Variants in BNC1 observed in about 807,000 individuals in gnomAD.
BNC1 encodes the protein basonuclin zinc finger protein 1, also known as zinc finger protein basonuclin-1.
BNC1 carries 8 observed loss-of-function variants against 66.5 expected under a neutral mutation model. The ratio of observed to expected loss-of-function variants is 0.12; its 90% CI spans 0.07 to 0.22. BNC1 has a LOEUF of 0.22. BNC1 is among the 10% of genes least tolerant of loss of function. BNC1 has a pLI of 1.00. For missense variants in BNC1, 1,069 were observed against 1,241.3 expected (o/e 0.86, Z 2.09); for synonymous variants, 454 against 452.6 (o/e 1.00, Z -0.04).
chr15:83,264,103 A>C lies in BNC1; in HGVS notation c.1148T>G (p.Ile383Ser). 2 of 1,614,142 alleles carry C rather than the reference A, an allele frequency of 1.2e-6. No homozygotes were observed. The highest frequency in any genetic ancestry group is 1.7e-6 in the Non-Finnish European group (2 of 1,180,026). ...CCCTTCGATGGTGCACTTATGCTTG[A>C]TCTTCAAGTGGACGGCATTGTAGTG... The part of the protein sequence containing the change: ...KIHYNAVHLK[I>S]KHKCTIEGCN... Residue 383 changes from isoleucine to serine, a missense_variant, in exon 4 of 5, where the codon ATC (isoleucine) becomes AGC (serine). By Grantham distance (142) the Ile-to-Ser change is moderately radical. Transcript: ENST00000345382.
At position 83,269,532 on chromosome 15, in the gene BNC1, A is replaced by G. The variant is rs139663867; in HGVS notation, c.100-1300T>C. 6.6e-5 allele frequency among the ~76,000 whole-genome samples: 10 copies of G among 152,262 alleles called. No individual in the cohort carries two copies. The East Asian group carries it at 1.9e-3, about 29-fold the overall frequency. Reference sequence around the variant, plus strand: ...CAATTGAGGGACTATGTGGCCCTGCATGGGGGAGAGGGAAAGGAGAATCTA... The same window carrying G: ...CAATTGAGGGACTATGTGGCCCTGCGTGGGGGAGAGGGAAAGGAGAATCTA... On this transcript the variant is annotated intron_variant, in intron 1 of 4. Transcript: ENST00000345382.
Position 83,258,002 on chromosome 15 carries a change from C to G in BNC1, c.2425G>C (p.Ala809Pro). 1 of 1,614,124 alleles carries G rather than the reference C, an allele frequency of 6.2e-7. No homozygotes were observed. Reference sequence around the variant, plus strand: ...GTCTGGGAGGCTTGCTGTGTAAAAGCCACATCCTGATAGGCTTCCTTAGCC... The same window carrying G: ...GTCTGGGAGGCTTGCTGTGTAAAAGGCACATCCTGATAGGCTTCCTTAGCC... The part of the protein sequence containing the change: ...DVAKEAYQDV[A>P]FTQQASQTSV... Residue 809 changes from alanine (A) to proline (P), a missense_variant, in exon 5 of 5, where the codon GCT becomes CCT. This residue lies in a region of BNC1 where 657 missense variants were observed against 715.8 expected (regional missense o/e 0.92). Transcript: ENST00000345382.
chr15:83,279,215 T>G (rs911568230), intron 1 of BNC1, among the ~76,000 whole-genome samples: 4 of 152,188 alleles, frequency 2.6e-5, no homozygotes, highest in Admixed American at 6.5e-5. Context: ...GCCTAGGATT[T>G]GCTTTAAAGT....
intron 1 of BNC1, among the ~76,000 whole-genome samples, chr15:83,274,169 A>T (rs1275656809): frequency 1.3e-5 from 2 of 152,036 alleles, no homozygotes; most frequent in Non-Finnish European, 2.9e-5. Context: ...TGGACCACGA[A>T]GTCAGGAGAT....
intron 1 of BNC1, chr15:83,283,293 G>A (rs2038402319): frequency 1.3e-6 from 2 of 1,513,010 alleles, no homozygotes; most frequent in African/African-American, 2.8e-5. Flanking sequence ...TGTCACATCT[G>A]GCTGACAAAT....
chr15:83,282,000 A>C (rs1374345083), intron 1 of BNC1, among the ~76,000 whole-genome samples: 1 of 152,272 alleles, frequency 6.6e-6, no homozygotes, highest in East Asian at 1.9e-4. Flanking sequence ...CATGTTAGTC[A>C]ATATTTCTAA....
rs2038236399 is a variant in BNC1, at chr15:83,268,242, A to T, written c.100-10T>A. On this transcript the variant is annotated splice_polypyrimidine_tract_variant and intron_variant, in intron 1 of 4. Transcript: ENST00000345382. ...GAGTACAGCTGATAGCCTGAAAAAG[A>T]GGAGAAAACAGGTATGTGGAGCATG... 1 of 1,599,982 alleles carries T rather than the reference A, an allele frequency of 6.3e-7. No homozygotes were observed. The highest frequency in any genetic ancestry group is 1.3e-5 in the African/African-American group (1 of 74,616).
At chr15:83,275,266 G>A (rs1274157586) in intron 1 of BNC1, among the ~76,000 whole-genome samples, 2 of 152,208 alleles carry the variant, frequency 1.3e-5, no homozygotes, top group South Asian at 2.1e-4. Context: ...TTGGAAGGCC[G>A]AGGCAGGGAA....
chr15:83,260,812 G>GT (rs1359436576), intron 4 of BNC1, among the ~76,000 whole-genome samples: 1 of 152,204 alleles, frequency 6.6e-6, no homozygotes, highest in Admixed American at 6.5e-5. Flanking sequence ...CAGGAATGTG[G>GT]TTCTCAATCT....
Position 83,263,704 on chromosome 15 carries a change from G to A in BNC1, c.1547C>T (p.Ser516Phe). The stretch of plus-strand genomic sequence containing the variant: ...TGAAATGAGCTGTTCTGGGATTGAA[G>A]AGGACAACAGCGGGAGGGAAGGGAG... ...GILPSLPLLSSSIPEQLISNE... is the reference protein window; with the variant it reads ...GILPSLPLLSFSIPEQLISNE... The change falls in exon 4 of 5, where the codon TCT becomes TTT. Residue 516 changes from serine to phenylalanine, a missense_variant. Around this residue, in one of 7 missense-constraint regions of BNC1, gnomAD observed 657 missense variants for 715.8 expected, o/e 0.92. Coordinates refer to ENST00000345382, the MANE Select transcript of BNC1 (RefSeq NM_001717.4). The A allele has an allele frequency of 6.2e-7, 1 of 1,614,264 alleles. No homozygotes were observed. Among genetic ancestry groups the A allele is most frequent in the African/African-American group, 1.3e-5 (1 of 75,070 alleles).
chr15:83,258,178 T>C (rs1596587707), intron 4 of BNC1, 52 bp from the exon 5 acceptor site: 1 of 1,513,902 alleles, frequency 6.6e-7, no homozygotes, highest in South Asian at 1.3e-5. Flanking sequence ...TTAGAAACAG[T>C]CATCATTCTG....
rs1308356840 is a variant in BNC1 at position 83,269,044 on chromosome 15, T to C, written c.100-812A>G. On this transcript the variant is annotated intron_variant, in intron 1 of 4. Coordinates refer to ENST00000345382, the MANE Select transcript of BNC1 (RefSeq NM_001717.4). Reference sequence around the variant, plus strand: ...TTCAAGACCAGCCTGGCCAATATGGTGAAACCCTATCTCTACTAAAAATAC... The same window carrying C: ...TTCAAGACCAGCCTGGCCAATATGGCGAAACCCTATCTCTACTAAAAATAC... Among the ~76,000 whole-genome samples the C allele has an allele frequency of 2.6e-5, 4 of 152,156 alleles. No homozygotes were observed. The South Asian group carries it at 8.3e-4, about 32-fold the overall frequency.
intron 1 of BNC1, among the ~76,000 whole-genome samples, chr15:83,277,394 C>T (rs1755275578): frequency 6.6e-6 from 1 of 152,164 alleles, no homozygotes; most frequent in Non-Finnish European, 1.5e-5. Context: ...ACTACAACTT[C>T]TGCCTCCCGG....
intron 1 of BNC1, chr15:83,283,030 A>G (rs1251024274): frequency 8.9e-6 from 12 of 1,343,870 alleles, no homozygotes; most frequent in African/African-American, 1.5e-5. Flanking sequence ...CAGCCATAAA[A>G]CCAGGGGACG....
rs746367608 is a variant in BNC1, at chr15:83,283,192, G to C, written c.99+1338C>G. On this transcript the variant is annotated intron_variant, in intron 1 of 4. Coordinates refer to ENST00000345382, the MANE Select transcript of BNC1 (RefSeq NM_001717.4). ...CACAAAGAGATGCCTTAAATGAGAAGAACATGTTTCTACACCGCATTTGTG... is the reference window on the plus strand; with the variant it reads ...CACAAAGAGATGCCTTAAATGAGAACAACATGTTTCTACACCGCATTTGTG... 3.3e-6 allele frequency: 5 copies of C among 1,535,580 alleles called. No homozygotes were observed. In the African/African-American group the frequency reaches 5.5e-5, roughly 17 times the overall value.
Position 83,263,726 on chromosome 15 carries a change from G to A in BNC1, c.1525C>T (p.Pro509Ser), listed in dbSNP as rs775054435. 7 of 1,614,122 alleles carry A rather than the reference G, an allele frequency of 4.3e-6. No individual in the cohort carries two copies. The highest frequency in any genetic ancestry group is 1.7e-5 in the Admixed American group (1 of 60,000). Residue 509 changes from proline (P) to serine (S), a missense_variant, in exon 4 of 5, where the codon CCT (proline) becomes TCT (serine). Around this residue, in one of 7 missense-constraint regions of BNC1, gnomAD observed 657 missense variants for 715.8 expected, o/e 0.92. Transcript: ENST00000345382. ...GAAGAGGACAACAGCGGGAGGGAAGGGAGTATCCCAGGCGTGTTTGCTACC... is the reference window on the plus strand; with the variant it reads ...GAAGAGGACAACAGCGGGAGGGAAGAGAGTATCCCAGGCGTGTTTGCTACC... ...AEVANTPGIL[P>S]SLPLLSSSIP...
Position 83,262,963 on chromosome 15 carries a change from C to G in BNC1, c.2288G>C (p.Arg763Thr). The change falls in exon 4 of 5, where the codon AGG becomes ACG. Residue 763 changes from arginine (R) to threonine (T), a missense_variant. Coordinates refer to ENST00000345382, the MANE Select transcript of BNC1 (RefSeq NM_001717.4). ...EGCNATFPSR[R>T]SRDRHSSNLN... ...ACAGATGCCTTACCTGTCTCTGCTC[C>G]TGCGGGAGGGAAAGGTAGCATTACA... 6.2e-7 allele frequency: 1 copy of G among 1,607,702 alleles called. No individual in the cohort carries two copies. The highest frequency in any genetic ancestry group is 8.5e-7 in the Non-Finnish European group (1 of 1,176,124).
chr15:83,264,088 G>C lies in BNC1; in HGVS notation c.1163C>G (p.Thr388Ser). Residue 388 changes from threonine to serine, a missense_variant, in exon 4 of 5, where the codon ACC becomes AGC. Thr to Ser is a moderately conservative substitution (Grantham distance 58). This residue lies in a region of BNC1 where 82 missense variants were observed against 136.3 expected (regional missense o/e 0.60). Coordinates refer to ENST00000345382, the MANE Select transcript of BNC1 (RefSeq NM_001717.4). ...AVHLKIKHKC[T>S]IEGCNMVFSS... Reference sequence around the variant, plus strand: ...GAACACCATGTTACACCCTTCGATGGTGCACTTATGCTTGATCTTCAAGTG... The same window carrying C: ...GAACACCATGTTACACCCTTCGATGCTGCACTTATGCTTGATCTTCAAGTG... 2 of 1,614,172 alleles carry C rather than the reference G, an allele frequency of 1.2e-6. No individual in the cohort carries two copies. Among genetic ancestry groups the C allele is most frequent in the Non-Finnish European group, 1.7e-6 (2 of 1,180,040 alleles).
At chr15:83,283,544 G>A in intron 1 of BNC1, 3 of 981,980 alleles carry the variant, frequency 3.1e-6, no homozygotes, top group Non-Finnish European at 3.6e-6. Flanking sequence ...GAAGTCGGGG[G>A]CCGGGGGCTT....
Sources: allele counts gnomAD v4.1 joint callset (sites outside exome capture counted in the v4.1 genomes callset), GRCh38; gene constraint gnomAD v4.1.1; regional missense constraint gnomAD v4.1.1; transcripts MANE v1.5; gene names NCBI Gene and HGNC (gene_info 2026-07-23, HGNC 2026-07-21).